Variants in PLS1 observed in about 807,000 individuals in gnomAD.
PLS1 encodes plastin 1.
In PLS1, 32 loss-of-function variants were observed where a neutral mutation model predicts 73.7. That is an observed-to-expected ratio of 0.43 (90% CI 0.33 to 0.58). The LOEUF is 0.58. Among genes scored for constraint, PLS1 ranks in the 20% least tolerant of loss-of-function variants. The pLI, the probability that PLS1 is intolerant of heterozygous loss-of-function variation, is 0.04. For synonymous variants in PLS1, 217 were observed against 261.3 expected, an observed-to-expected ratio of 0.83 and a Z score of 1.63; for missense variants, 633 against 740.5, an observed-to-expected ratio of 0.85 and a Z score of 1.68.
At chr3:142,606,026 CAATA>C (rs1215210425) in intron 1 of PLS1, among the ~76,000 whole-genome samples, 1 of 152,074 alleles carries the variant, frequency 6.6e-6, no homozygotes, top group Non-Finnish European at 1.5e-5. Flanking sequence ...ACCACTAGGA[CAATA>C]AATAATGGGA....
At chr3:142,617,048 A>C (rs778153930) in intron 1 of PLS1, among the ~76,000 whole-genome samples, 1 of 152,186 alleles carries the variant, frequency 6.6e-6, no homozygotes, top group Non-Finnish European at 1.5e-5. Context: ...TAAAATAGCC[A>C]GTGATGGCAG....
At chr3:142,608,779 C>T (rs1275739944) in intron 1 of PLS1, among the ~76,000 whole-genome samples, 1 of 152,188 alleles carries the variant, frequency 6.6e-6, no homozygotes, top group East Asian at 1.9e-4. Context: ...AACAGCATAC[C>T]TGTTGACTGC....
At chr3:142,650,178 T>G (rs1039684154) in intron 1 of PLS1, among the ~76,000 whole-genome samples, 5 of 151,800 alleles carry the variant, frequency 3.3e-5, no homozygotes, top group African/African-American at 1.2e-4. Context: ...CTTTACTGTT[T>G]GTTTTCTGCA....
chr3:142,649,342 A>G (rs1164599940), intron 1 of PLS1, among the ~76,000 whole-genome samples: 1 of 151,144 alleles, frequency 6.6e-6, no homozygotes, highest in Non-Finnish European at 1.5e-5. Context: ...TGTCAAAAAA[A>G]AAAAAAAAAA....
At chr3:142,626,661 C>T (rs1170405146) in intron 1 of PLS1, among the ~76,000 whole-genome samples, 1 of 152,112 alleles carries the variant, frequency 6.6e-6, no homozygotes, top group Non-Finnish European at 1.5e-5. Flanking sequence ...TGTGATCACA[C>T]TGCTCCTCTT....
chr3:142,631,078 C>G (rs1474375020), intron 1 of PLS1, among the ~76,000 whole-genome samples: 9 of 151,822 alleles, frequency 5.9e-5, no homozygotes, highest in Admixed American at 5.3e-4. Context: ...TATCCATATG[C>G]AAAAGAATGA....
At chr3:142,607,606 C>T (rs1035412128) in intron 1 of PLS1, among the ~76,000 whole-genome samples, 3 of 152,180 alleles carry the variant, frequency 2.0e-5, no homozygotes, top group Admixed American at 6.5e-5. Context: ...ATTAGTATGA[C>T]ATGTTTGTTA....
intron 1 of PLS1, among the ~76,000 whole-genome samples, chr3:142,620,939 C>T (rs2108561011): frequency 6.6e-6 from 1 of 152,148 alleles, no homozygotes; most frequent in South Asian, 2.1e-4. Flanking sequence ...AATGCTTGTA[C>T]TTGGGAGGGG....
At chr3:142,671,157 C>T (rs758972979) in intron 4 of PLS1, 35 bp downstream of exon 4, 2 of 1,560,742 alleles carry the variant, frequency 1.3e-6, no homozygotes, top group Admixed American at 3.4e-5. Context: ...CTTTTAGTCA[C>T]TGATTCATTG....
chr3:142,689,592 G>C (rs2038045688), intron 9 of PLS1, 26 bp from the exon 10 acceptor site: 1 of 1,427,286 alleles, frequency 7.0e-7, no homozygotes, highest in East Asian at 2.5e-5. Context: ...AACTTCAATT[G>C]TAACCATTTT....
rs913348018 is a variant in PLS1, at chr3:142,687,954, T to TG, written c.981+1578_981+1579insG. Among the ~76,000 whole-genome samples the TG allele has an allele frequency of 6.0e-5, 9 of 151,070 alleles. 1 individual carries two copies. In the South Asian group the frequency reaches 1.2e-3, roughly 21 times the overall value. On this transcript the variant is annotated intron_variant, in intron 9 of 15. Coordinates refer to ENST00000457734, the MANE Select transcript of PLS1 (RefSeq NM_001145319.2). ...CACATGTTGTCTTTATTTGTTTGTT[T>TG]TTTTTTTTTTTTAGATGGAGTCTTG...
intron 4 of PLS1, 93 bp downstream of exon 4, chr3:142,671,215 C>A: frequency 1.8e-6 from 2 of 1,102,232 alleles, no homozygotes; most frequent in Non-Finnish European, 2.7e-6. Flanking sequence ...CATTGTGATT[C>A]ATACCGTTAT....
At chr3:142,694,402 T>C in intron 10 of PLS1, 67 bp from the exon 11 acceptor site, 2 of 942,390 alleles carry the variant, frequency 2.1e-6, no homozygotes, top group Non-Finnish European at 3.4e-6. Flanking sequence ...CCTGCTAGAA[T>C]GGTTTAACAT....
intron 1 of PLS1, among the ~76,000 whole-genome samples, chr3:142,600,876 TCA>T (rs571298814): frequency 9.0e-4 from 59 of 65,404 alleles, no homozygotes; most frequent in South Asian, 3.7e-3. Flanking sequence ...TGGCCTGGTT[TCA>T]TATATATATA....
intron 1 of PLS1, among the ~76,000 whole-genome samples, chr3:142,599,801 C>A (rs1317158117): frequency 6.6e-6 from 1 of 152,096 alleles, no homozygotes; most frequent in African/African-American, 2.4e-5. Flanking sequence ...GTCACCCAGG[C>A]TGGAGTGCAG....
At chr3:142,660,370 C>T (rs1333358454) in intron 1 of PLS1, among the ~76,000 whole-genome samples, 2 of 152,022 alleles carry the variant, frequency 1.3e-5, no homozygotes, top group Non-Finnish European at 2.9e-5. Flanking sequence ...TCCAATAAAC[C>T]CGTCCTAAGT....
chr3:142,641,046 T>C (rs889539274), intron 1 of PLS1, among the ~76,000 whole-genome samples: 6 of 151,522 alleles, frequency 4.0e-5, no homozygotes, highest in Admixed American at 4.0e-4. Context: ...CCTGTAGTCC[T>C]AGCTTTGAGA....
chr3:142,682,558 T>C (rs1295425134), intron 6 of PLS1, among the ~76,000 whole-genome samples: 1 of 152,248 alleles, frequency 6.6e-6, no homozygotes, highest in African/African-American at 2.4e-5. Context: ...TGCTGTCAAC[T>C]GCATATGACA....
rs375390603 is a variant in PLS1 at position 142,697,974 on chromosome 3, G to C, written c.1278G>C (p.Val426=). Residue 426 remains valine (V), a synonymous_variant, in exon 12 of 16, where the codon GTG becomes GTC. Coordinates refer to ENST00000457734, the MANE Select transcript of PLS1 (RefSeq NM_001145319.2). ...HLYSDLADAL[V]IFQLYEMIRV... is the part of the protein sequence containing the mutation. ...TCAGTGACCTTGCAGATGCTTTAGT[G>C]ATCTTTCAGCTCTATGAGATGATCC... 2.9e-5 allele frequency: 46 copies of C among 1,611,856 alleles called. No homozygotes were observed. The highest frequency in any genetic ancestry group is 1.0e-4 in the Admixed American group (6 of 59,956).
Sources: allele counts gnomAD v4.1 joint callset (sites outside exome capture counted in the v4.1 genomes callset), GRCh38; gene constraint gnomAD v4.1.1; transcripts MANE v1.5; gene names NCBI Gene and HGNC (gene_info 2026-07-23, HGNC 2026-07-21).